TMEM132D: variants seen among roughly 807,000 people sequenced by gnomAD.
The protein encoded by TMEM132D is transmembrane protein 132D, also known as mature OL transmembrane protein.
TMEM132D carries 21 observed loss-of-function variants against 62.3 expected under a neutral mutation model. The observed-to-expected ratio is 0.34, with a 90% CI of 0.24 to 0.49. The LOEUF is 0.49. TMEM132D is among the 20% of genes least tolerant of loss of function. The probability of loss-of-function intolerance (pLI) is 0.99; values close to 1 mark genes in which losing one functional copy is unlikely to be tolerated. For missense variants in TMEM132D, 1,346 were observed against 1,402.8 expected (o/e 0.96, Z 0.65); for synonymous variants, 621 against 575.6 (o/e 1.08, Z -1.13).
At position 129,131,554 on chromosome 12, in the gene TMEM132D, C is replaced by A. The variant is rs148979560; in HGVS notation, c.1444-46852G>T. 5.1e-3 allele frequency among the ~76,000 whole-genome samples: 773 copies of A among 152,150 alleles called. 4 individuals are homozygous for A. The highest frequency in any genetic ancestry group is 0.044 in the Middle Eastern group (13 of 294). ...CGCAGGAGGTGGAGGTTGCAGTGAGCCAAGATCGTGGCCACTGCACTCCAG... is the reference window on the plus strand; with the variant it reads ...CGCAGGAGGTGGAGGTTGCAGTGAGACAAGATCGTGGCCACTGCACTCCAG... On this transcript the variant is annotated intron_variant, in intron 5 of 8. Coordinates refer to ENST00000422113, the MANE Select transcript of TMEM132D (RefSeq NM_133448.3).
In TMEM132D at chr12:129,257,320, C is replaced by T. The variant is rs1294513711; in HGVS notation, c.1300-47657G>A. Among the ~76,000 whole-genome samples the T allele has an allele frequency of 2.0e-5, 3 of 151,782 alleles. No homozygotes were observed. The East Asian group carries it at 5.8e-4, about 30-fold the overall frequency. ...CTCCCGGGTTCACGCCATTCTCCTG[C>T]CTTAGCCTCCCGAGTAGCTGGGACT... On this transcript the variant is annotated intron_variant, in intron 4 of 8. Coordinates refer to ENST00000422113, the MANE Select transcript of TMEM132D (RefSeq NM_133448.3).
intron 4 of TMEM132D, among the ~76,000 whole-genome samples, chr12:129,309,699 C>T (rs572750729): frequency 4.6e-5 from 7 of 151,836 alleles, no homozygotes; most frequent in South Asian, 2.1e-4. Flanking sequence ...AGCAAGGTGT[C>T]GTATAGATAG....
chr12:129,524,266 A>G (rs985691960), intron 3 of TMEM132D, among the ~76,000 whole-genome samples: 5 of 152,190 alleles, frequency 3.3e-5, no homozygotes, highest in African/African-American at 9.7e-5. Flanking sequence ...GTGAAAAAAA[A>G]AGAAAGAAAC....
At chr12:129,325,231 A>G (rs1466852886) in intron 4 of TMEM132D, among the ~76,000 whole-genome samples, 2 of 152,200 alleles carry the variant, frequency 1.3e-5, no homozygotes, top group African/African-American at 2.4e-5. Context: ...AACTACCCCT[A>G]TTCCCTTGGG....
At chr12:129,549,668 T>C (rs1876837936) in intron 2 of TMEM132D, among the ~76,000 whole-genome samples, 1 of 152,362 alleles carries the variant, frequency 6.6e-6, no homozygotes, top group Admixed American at 6.5e-5. Flanking sequence ...AGCATGAGAA[T>C]GGACAAATAC....
intron 1 of TMEM132D, among the ~76,000 whole-genome samples, chr12:129,777,875 T>C (rs529553003): frequency 4.9e-4 from 75 of 152,288 alleles, no homozygotes; most frequent in Non-Finnish European, 9.1e-4. Flanking sequence ...GGCTCACCCC[T>C]GTAATCCCAG....
intron 1 of TMEM132D, among the ~76,000 whole-genome samples, chr12:129,870,012 G>GT (rs1178331787): frequency 6.6e-6 from 1 of 152,070 alleles, no homozygotes; most frequent in Admixed American, 6.6e-5. Context: ...CCTGGGTTTC[G>GT]TTTGTTTGTT....
At chr12:129,088,208 GT>G (rs1565959786) in intron 5 of TMEM132D, among the ~76,000 whole-genome samples, 5 of 27,388 alleles carry the variant, frequency 1.8e-4, no homozygotes, top group Non-Finnish European at 3.4e-4. Context: ...CCATGACCGG[GT>G]GTCCTCCATG....
intron 5 of TMEM132D, among the ~76,000 whole-genome samples, chr12:129,094,137 T>C (rs977199678): frequency 3.9e-5 from 6 of 152,128 alleles, no homozygotes; most frequent in African/African-American, 1.4e-4. Context: ...ACTTCATGTC[T>C]AAAACACCAA....
intron 3 of TMEM132D, among the ~76,000 whole-genome samples, chr12:129,399,654 T>A (rs1288248910): frequency 2.9e-5 from 4 of 140,208 alleles, no homozygotes; most frequent in African/African-American, 1.1e-4. Flanking sequence ...AAAAAAAAAA[T>A]TCCAGTAAGA....
chr12:129,628,582 T>A (rs1298954910), intron 2 of TMEM132D, among the ~76,000 whole-genome samples: 1 of 152,172 alleles, frequency 6.6e-6, no homozygotes, highest in Non-Finnish European at 1.5e-5. Flanking sequence ...GATTCCACAG[T>A]AAACCAGACA....
chr12:129,327,580 A>T (rs1284029747), intron 4 of TMEM132D, among the ~76,000 whole-genome samples: 3 of 152,132 alleles, frequency 2.0e-5, no homozygotes, highest in Admixed American at 1.3e-4. Context: ...TCTAGTCTAG[A>T]CTCACATTTG....
chr12:129,564,444 TC>T (rs1268513339), intron 2 of TMEM132D, among the ~76,000 whole-genome samples: 3 of 152,214 alleles, frequency 2.0e-5, no homozygotes, highest in Non-Finnish European at 4.4e-5. Context: ...GGTCATGTTT[TC>T]CCTCCTCTTT....
Position 129,622,504 on chromosome 12 carries a change from T to A in TMEM132D, c.968+77306A>T, listed in dbSNP as rs547742155. ...TCCAGCTGACCGACTATATCCTACA[T>A]CCTAGCCAGATCTAACTTCTCTACA... On this transcript the variant is annotated intron_variant, in intron 2 of 8. Coordinates refer to ENST00000422113, the MANE Select transcript of TMEM132D (RefSeq NM_133448.3). Among the ~76,000 whole-genome samples, 3 of 152,264 alleles carry A rather than the reference T, an allele frequency of 2.0e-5. No homozygotes were observed. The South Asian group carries it at 6.2e-4, about 32-fold the overall frequency.
chr12:129,185,942 G>C (rs571304441), intron 5 of TMEM132D, among the ~76,000 whole-genome samples: 46 of 152,258 alleles, frequency 3.0e-4, no homozygotes, highest in Middle Eastern at 3.4e-3. Flanking sequence ...CTTTTGCTCT[G>C]ACAACACCCT....
chr12:129,810,296 TA>T (rs1241205415), intron 1 of TMEM132D, among the ~76,000 whole-genome samples: 2 of 152,184 alleles, frequency 1.3e-5, no homozygotes, highest in African/African-American at 2.4e-5. Flanking sequence ...ATTGTCCATA[TA>T]TTTTTTTTAA....
rs149909262 is a variant in TMEM132D at position 129,337,813 on chromosome 12, C to T, written c.1120G>A (p.Asp374Asn). 5.6e-6 allele frequency: 9 copies of T among 1,608,026 alleles called. No individual in the cohort carries two copies. In the African/African-American group the frequency reaches 9.4e-5, roughly 17 times the overall value. Reference sequence around the variant, plus strand: ...TGCATGACCTCGTAGGAGGCGCCATCCGCACTGGAGAGAAGACACAGAGGA... The same window carrying T: ...TGCATGACCTCGTAGGAGGCGCCATTCGCACTGGAGAGAAGACACAGAGGA... The part of the protein sequence containing the change: ...KKAAGSENSA[D>N]GASYEVMQID... Residue 374 changes from aspartate (D) to asparagine (N), a missense_variant, in exon 4 of 9, where the codon GAT becomes AAT. Coordinates refer to ENST00000422113, the MANE Select transcript of TMEM132D (RefSeq NM_133448.3).
chr12:129,892,595 A>T (rs1266871364), intron 1 of TMEM132D, among the ~76,000 whole-genome samples: 1 of 152,104 alleles, frequency 6.6e-6, no homozygotes, highest in East Asian at 1.9e-4. Flanking sequence ...GCACTTGCAT[A>T]ACTGTAAAAT....
intron 1 of TMEM132D, among the ~76,000 whole-genome samples, chr12:129,893,554 T>C (rs1339005590): frequency 6.6e-6 from 1 of 152,124 alleles, no homozygotes; most frequent in Non-Finnish European, 1.5e-5. Flanking sequence ...TCATCGCTTT[T>C]CCAAGTCAAA....
Sources: allele counts gnomAD v4.1 joint callset (sites outside exome capture counted in the v4.1 genomes callset), GRCh38; gene constraint gnomAD v4.1.1; transcripts MANE v1.5; gene names NCBI Gene and HGNC (gene_info 2026-07-23, HGNC 2026-07-21).